The following CSMD1 variants were observed in gnomAD, a reference collection of about 807,000 sequenced individuals.
The protein encoded by CSMD1 is CUB and sushi domain-containing protein 1.
A neutral mutation model predicts 417.5 loss-of-function variants in CSMD1; 213 were observed. The observed-to-expected ratio is 0.51, with a 90% CI of 0.46 to 0.57. The LOEUF (loss-of-function observed/expected upper bound fraction) is 0.57, where lower values mean the gene tolerates loss of function less well. Among genes scored for constraint, CSMD1 ranks in the 20% least tolerant of loss-of-function variants. CSMD1 has a pLI of 0.00. For missense variants in CSMD1, 6,923 were observed against 4,529.7 expected, an observed-to-expected ratio of 1.53 and a Z score of -15.17; for synonymous variants, 2,862 against 1,736.8, an observed-to-expected ratio of 1.65 and a Z score of -16.11.
intron 49 of CSMD1, among the ~76,000 whole-genome samples, chr8:3,071,169 C>G (rs554862332): frequency 6.6e-4 from 100 of 152,224 alleles, no homozygotes; most frequent in Admixed American, 1.5e-3. Flanking sequence ...ACACCTCTTT[C>G]CAGGCCCACC....
chr8:4,015,661 T>TAA (rs11371186), intron 4 of CSMD1, among the ~76,000 whole-genome samples: 13,259 of 97,282 alleles, frequency 0.14, 1,091 homozygotes, highest in Non-Finnish European at 0.16. Flanking sequence ...GTTTGAATCT[T>TAA]AAAAAAAAAA....
intron 9 of CSMD1, among the ~76,000 whole-genome samples, chr8:3,576,265 T>C (rs990526562): frequency 1.2e-5 from 1 of 86,756 alleles, no homozygotes; most frequent in Non-Finnish European, 2.4e-5. Context: ...TCCATGCATG[T>C]CAAAATAATA....
chr8:3,961,594 A>T (rs779620578), intron 5 of CSMD1, among the ~76,000 whole-genome samples: 1 of 152,248 alleles, frequency 6.6e-6, no homozygotes, highest in Non-Finnish European at 1.5e-5. Flanking sequence ...CTTTGAGATC[A>T]TAATTTACTC....
intron 3 of CSMD1, among the ~76,000 whole-genome samples, chr8:4,358,966 GCACACA>G (rs10545077): frequency 2.6e-5 from 4 of 151,040 alleles, no homozygotes; most frequent in East Asian, 1.9e-4. Context: ...AGAGTCTTGT[GCACACA>G]CACACACACA....
At chr8:4,459,027 C>G (rs73660864) in intron 2 of CSMD1, among the ~76,000 whole-genome samples, 9 of 152,176 alleles carry the variant, frequency 5.9e-5, no homozygotes, top group Non-Finnish European at 1.0e-4. Flanking sequence ...CTGCTTTCTT[C>G]CCCTTATCTC....
chr8:4,378,584 A>T (rs754137894), intron 3 of CSMD1, among the ~76,000 whole-genome samples: 4 of 152,190 alleles, frequency 2.6e-5, no homozygotes, highest in Non-Finnish European at 5.9e-5. Context: ...AATAAGTTTC[A>T]AATACCTTGA....
Position 4,799,598 on chromosome 8 carries a change from C to CAAAAAAAAAAAAA in CSMD1, c.86-162053_86-162041dup, listed in dbSNP as rs1168273531. Among the ~76,000 whole-genome samples, 16 of 47,152 alleles carry CAAAAAAAAAAAAA rather than the reference C, an allele frequency of 3.4e-4. 1 individual carries two copies. Among genetic ancestry groups the CAAAAAAAAAAAAA allele is most frequent in the African/African-American group, 5.0e-4 (5 of 10,016 alleles). 30.9% of individuals were successfully genotyped at this position (47,152 alleles called of 152,430 possible). A position where few individuals can be genotyped will look rare whatever the true frequency, so the allele number is the denominator to read the frequency against. On this transcript the variant is annotated intron_variant, in intron 1 of 69. Coordinates refer to ENST00000635120, the MANE Select transcript of CSMD1 (RefSeq NM_033225.6). Reference sequence around the variant, plus strand: ...TGTGTGAGAGAGCAAGACTCCGTCTCAAAAAAAAAAAAAAAAAAAAAAAAA... The same window carrying CAAAAAAAAAAAAA: ...TGTGTGAGAGAGCAAGACTCCGTCTCAAAAAAAAAAAAAAAAAAAAAAAAAAAAAAAAAAAAAA...
chr8:4,899,295 T>C (rs575067939), intron 1 of CSMD1, among the ~76,000 whole-genome samples: 75 of 151,846 alleles, frequency 4.9e-4, no homozygotes, highest in Non-Finnish European at 8.4e-4. Flanking sequence ...CATAACATTA[T>C]TGATAACATA....
In CSMD1 at chr8:4,637,580, A is replaced by G. The variant is rs889122177; in HGVS notation, c.86-22T>C. ...TGACCTGGAAGAGAAAACACACACA[A>G]AAAAGCATATTATTCTGGCCATCTT... On this transcript the variant is annotated intron_variant, in intron 1 of 69. Coordinates refer to ENST00000635120, the MANE Select transcript of CSMD1 (RefSeq NM_033225.6). 162 of 1,552,978 alleles carry G rather than the reference A, an allele frequency of 1.0e-4. 2 individuals carry two copies. In the East Asian group the frequency reaches 3.6e-3, roughly 34 times the overall value.
chr8:4,829,385 T>G (rs1036682826), intron 1 of CSMD1, among the ~76,000 whole-genome samples: 1 of 152,144 alleles, frequency 6.6e-6, no homozygotes, highest in Non-Finnish European at 1.5e-5. Context: ...GCTAAAAACG[T>G]AGAGATACAA....
At chr8:3,579,756 T>C (rs944997733) in intron 9 of CSMD1, among the ~76,000 whole-genome samples, 6 of 152,190 alleles carry the variant, frequency 3.9e-5, no homozygotes, top group African/African-American at 1.2e-4. Flanking sequence ...CCACTTATGA[T>C]TGCTCTAAGG....
chr8:4,169,277 C>T (rs932918184), intron 3 of CSMD1, among the ~76,000 whole-genome samples: 1 of 152,148 alleles, frequency 6.6e-6, no homozygotes, highest in Non-Finnish European at 1.5e-5. Flanking sequence ...CTCAATCTTC[C>T]TGAGCTCAAA....
rs535137059 is a variant in CSMD1, at chr8:3,196,766, C to T, written c.5194+2948G>A. ...TAATGCAGGTCACTCATCTCAGTCT[C>T]CATACTGCTCCTTCCATCACTGGAG... On this transcript the variant is annotated intron_variant, in intron 33 of 69. Coordinates refer to ENST00000635120, the MANE Select transcript of CSMD1 (RefSeq NM_033225.6). 1.3e-4 allele frequency among the ~76,000 whole-genome samples: 20 copies of T among 152,258 alleles called. 1 individual carries two copies. In the South Asian group the frequency reaches 4.1e-3, roughly 32 times the overall value.
chr8:4,015,312 G>A lies in CSMD1; in HGVS notation c.610+16593C>T, dbSNP rs541978465. Among the ~76,000 whole-genome samples, 197 of 152,204 alleles carry A rather than the reference G, an allele frequency of 1.3e-3. 1 individual carries two copies. The highest frequency in any genetic ancestry group is 2.3e-3 in the Non-Finnish European group (154 of 68,026). Reference sequence around the variant, plus strand: ...CAGAATTTATAGGCACCCATAAAAAGCATGACTTCTCTTCCTTCTCCCCTC... The same window carrying A: ...CAGAATTTATAGGCACCCATAAAAAACATGACTTCTCTTCCTTCTCCCCTC... On this transcript the variant is annotated intron_variant, in intron 4 of 69. Transcript: ENST00000635120.
intron 7 of CSMD1, among the ~76,000 whole-genome samples, chr8:3,630,060 A>C (rs1796702198): frequency 1.2e-5 from 1 of 83,280 alleles, no homozygotes; most frequent in Non-Finnish European, 2.8e-5. Context: ...TCTACATTAG[A>C]GATCAAAATC....
intron 5 of CSMD1, among the ~76,000 whole-genome samples, chr8:3,854,530 G>A (rs1030579940): frequency 6.6e-6 from 1 of 152,060 alleles, no homozygotes; most frequent in South Asian, 2.1e-4. Context: ...AACTGCACGG[G>A]TTATGGGCAG....
At chr8:4,415,044 A>G (rs1446857513) in intron 3 of CSMD1, among the ~76,000 whole-genome samples, 1 of 152,226 alleles carries the variant, frequency 6.6e-6, no homozygotes, top group Non-Finnish European at 1.5e-5. Context: ...CCTTCGTTTC[A>G]TAGTCCAGTG....
At chr8:3,315,432 AAGTG>A (rs1563263696) in intron 23 of CSMD1, among the ~76,000 whole-genome samples, 1 of 54,052 alleles carries the variant, frequency 1.9e-5, no homozygotes, top group African/African-American at 6.4e-5. Context: ...ATTCTAGGTG[AAGTG>A]AGTGTGTGTG....
At chr8:3,931,401 C>T (rs1177822392) in intron 5 of CSMD1, among the ~76,000 whole-genome samples, 1 of 150,550 alleles carries the variant, frequency 6.6e-6, no homozygotes, top group Non-Finnish European at 1.5e-5. Flanking sequence ...CATTCTTTTA[C>T]CCATTCTGGG....
Sources: gnomAD v4.1 joint callset for allele counts (sites outside exome capture counted in the v4.1 genomes callset) on GRCh38, gnomAD v4.1.1 for gene constraint, MANE v1.5 for transcripts, NCBI Gene and HGNC (gene_info 2026-07-23, HGNC 2026-07-21) for gene names.